The following MCTP1 variants were observed in gnomAD, a reference collection of about 807,000 sequenced individuals.
MCTP1 encodes multiple C2 and transmembrane domain-containing protein 1.
A neutral mutation model predicts 120.6 loss-of-function variants in MCTP1; 69 were observed. The observed-to-expected ratio is 0.57, with a 90% confidence interval of 0.47 to 0.70. The LOEUF (loss-of-function observed/expected upper bound fraction) is 0.70. MCTP1 is among the 30% of genes least tolerant of loss of function. The probability of loss-of-function intolerance (pLI) is 0.00; values close to 1 mark genes in which losing one functional copy is unlikely to be tolerated. For synonymous variants in MCTP1, 529 were observed against 493.1 expected (o/e 1.07, Z -0.96); for missense variants, 1,203 against 1,248.8 (o/e 0.96, Z 0.55).
intron 2 of MCTP1, among the ~76,000 whole-genome samples, chr5:94,998,484 C>T (rs911644011): frequency 4.6e-5 from 7 of 152,060 alleles, no homozygotes; most frequent in African/African-American, 1.7e-4. Context: ...CCAACTGATT[C>T]TGGTAGACCG....
At chr5:94,897,050 CT>C (rs899097475) in intron 10 of MCTP1, among the ~76,000 whole-genome samples, 3 of 151,686 alleles carry the variant, frequency 2.0e-5, no homozygotes, top group African/African-American at 4.8e-5. Context: ...AATATCTGGA[CT>C]TTTTTTTAAA....
chr5:95,184,708 A>G (rs995511864), intron 1 of MCTP1, among the ~76,000 whole-genome samples: 2 of 152,148 alleles, frequency 1.3e-5, no homozygotes, highest in African/African-American at 4.8e-5. Flanking sequence ...CAAAAGTCTG[A>G]ACCTCCCCAA....
intron 17 of MCTP1, among the ~76,000 whole-genome samples, chr5:94,831,380 G>A (rs1788485380): frequency 6.6e-6 from 1 of 152,140 alleles, no homozygotes; most frequent in South Asian, 2.1e-4. Context: ...TCAAACCACT[G>A]CTATATGTTT....
rs370978839 is a variant in MCTP1 at position 95,123,775 on chromosome 5, G to A, written c.721-106291C>T. 3.7e-3 allele frequency among the ~76,000 whole-genome samples: 561 copies of A among 151,588 alleles called. 4 individuals carry two copies. Among genetic ancestry groups the A allele is most frequent in the African/African-American group, 0.013 (521 of 41,338 alleles). ...TGCCATTCTCCTGCCTCAGCCTCCC[G>A]AGTAGCTGGGACTACAGGCGCCCGC... On this transcript the variant is annotated intron_variant, in intron 1 of 22. Coordinates refer to ENST00000515393, the MANE Select transcript of MCTP1 (RefSeq NM_024717.7).
intron 17 of MCTP1, among the ~76,000 whole-genome samples, chr5:94,822,036 T>A (rs1003998905): frequency 1.1e-4 from 16 of 152,274 alleles, no homozygotes; most frequent in African/African-American, 3.8e-4. Context: ...CATTAAATTT[T>A]TTTTGCATGG....
At chr5:95,023,715 C>A (rs1426796263) in intron 1 of MCTP1, among the ~76,000 whole-genome samples, 2 of 152,178 alleles carry the variant, frequency 1.3e-5, no homozygotes, top group Non-Finnish European at 1.5e-5. Context: ...ATGTGTATTT[C>A]TTTATTGTAA....
intron 18 of MCTP1, among the ~76,000 whole-genome samples, 176 bp downstream of exon 18, chr5:94,798,837 C>T (rs1485576237): frequency 1.3e-5 from 2 of 152,140 alleles, no homozygotes; most frequent in Admixed American, 6.5e-5. Flanking sequence ...TAAGTGAATA[C>T]TCTCTATTGT....
chr5:95,091,302 C>T (rs531562464), intron 1 of MCTP1, among the ~76,000 whole-genome samples: 2 of 152,294 alleles, frequency 1.3e-5, no homozygotes, highest in African/African-American at 4.8e-5. Flanking sequence ...TACTTCTCTA[C>T]TCATAATTCA....
chr5:95,076,740 C>T (rs971944418), intron 1 of MCTP1, among the ~76,000 whole-genome samples: 5 of 152,078 alleles, frequency 3.3e-5, no homozygotes, highest in African/African-American at 4.8e-5. Context: ...GTCCTCAAAC[C>T]GTGAAAATAT....
intron 1 of MCTP1, among the ~76,000 whole-genome samples, chr5:95,130,198 A>T (rs1447486299): frequency 6.6e-6 from 1 of 152,188 alleles, no homozygotes; most frequent in Non-Finnish European, 1.5e-5. Flanking sequence ...CAATTCCCAT[A>T]ATAAACTCCT....
chr5:94,945,928 G>A (rs1818797382), intron 3 of MCTP1, among the ~76,000 whole-genome samples: 1 of 152,206 alleles, frequency 6.6e-6, no homozygotes, highest in Admixed American at 6.5e-5. Flanking sequence ...TAGTAAGCAA[G>A]AGAAGAGTGC....
At chr5:95,133,638 G>C (rs1302684757) in intron 1 of MCTP1, among the ~76,000 whole-genome samples, 1 of 152,228 alleles carries the variant, frequency 6.6e-6, no homozygotes, top group Non-Finnish European at 1.5e-5. Flanking sequence ...CTGGGTAACA[G>C]AGCAAGATTC....
At chr5:95,056,057 A>G (rs1162607538) in intron 1 of MCTP1, among the ~76,000 whole-genome samples, 1 of 152,250 alleles carries the variant, frequency 6.6e-6, no homozygotes, top group East Asian at 1.9e-4. Flanking sequence ...TTCAGAGTAC[A>G]TATTTGACAC....
chr5:95,228,055 C>A (rs1754482758), intron 1 of MCTP1, among the ~76,000 whole-genome samples: 1 of 151,984 alleles, frequency 6.6e-6, no homozygotes, highest in Non-Finnish European at 1.5e-5. Flanking sequence ...TATAGTAGTT[C>A]AAACAAAAGG....
At chr5:95,024,836 A>G (rs1838929913) in intron 1 of MCTP1, among the ~76,000 whole-genome samples, 2 of 152,196 alleles carry the variant, frequency 1.3e-5, no homozygotes, top group East Asian at 3.8e-4. Context: ...AATATCATAA[A>G]AAATACTTAG....
chr5:94,734,409 T>C (rs892288471), intron 19 of MCTP1, among the ~76,000 whole-genome samples: 1 of 152,264 alleles, frequency 6.6e-6, no homozygotes, highest in Non-Finnish European at 1.5e-5. Flanking sequence ...TATATCTTTC[T>C]AGTATCTTTT....
intron 1 of MCTP1, among the ~76,000 whole-genome samples, chr5:95,124,641 G>A (rs1339379803): frequency 6.6e-6 from 1 of 152,106 alleles, no homozygotes; most frequent in Non-Finnish European, 1.5e-5. Context: ...TATGCTGGGG[G>A]TAAAGTCCTA....
At chr5:94,795,792 G>A (rs932999504) in intron 18 of MCTP1, among the ~76,000 whole-genome samples, 15 of 152,136 alleles carry the variant, frequency 9.9e-5, no homozygotes, top group African/African-American at 2.7e-4. Flanking sequence ...CGCCTCTTTC[G>A]CATGGGCACC....
intron 19 of MCTP1, among the ~76,000 whole-genome samples, chr5:94,775,371 A>T (rs1413942653): frequency 6.6e-6 from 1 of 152,214 alleles, no homozygotes; most frequent in Non-Finnish European, 1.5e-5. Flanking sequence ...GCTGATCTTC[A>T]TTAATTAGAT....
Sources: allele counts gnomAD v4.1 joint callset (sites outside exome capture counted in the v4.1 genomes callset), GRCh38; gene constraint gnomAD v4.1.1; transcripts MANE v1.5; gene names NCBI Gene and HGNC (gene_info 2026-07-23, HGNC 2026-07-21).